Variants in SP4 observed in about 807,000 individuals in gnomAD.
The protein encoded by SP4 is Sp4 transcription factor.
In SP4, 19 loss-of-function variants were observed where a neutral mutation model predicts 72.8. The observed-to-expected ratio is 0.26, with a 90% confidence interval of 0.18 to 0.38. The LOEUF (loss-of-function observed/expected upper bound fraction) is 0.38. Among genes scored for constraint, SP4 ranks in the 10% least tolerant of loss-of-function variants. The pLI, the probability that SP4 is intolerant of heterozygous loss-of-function variation, is 1.00. For missense variants in SP4, 1,008 were observed against 926.3 expected (o/e 1.09, Z -1.14); for synonymous variants, 395 against 333.1 (o/e 1.19, Z -2.02).
intron 5 of SP4, among the ~76,000 whole-genome samples, chr7:21,488,619 G>A (rs1784888434): frequency 1.3e-5 from 2 of 151,730 alleles, no homozygotes; most frequent in Non-Finnish European, 2.9e-5. Flanking sequence ...ATTTAGCCAG[G>A]TGCAGTAGTG....
chr7:21,444,015 C>CTGT (rs748012709), intron 3 of SP4, among the ~76,000 whole-genome samples: 1 of 152,060 alleles, frequency 6.6e-6, no homozygotes, highest in Non-Finnish European at 1.5e-5. Context: ...TTTCTCTCAC[C>CTGT]TGTTGTTGTT....
intron 3 of SP4, 125 bp from the exon 4 acceptor site, chr7:21,476,954 C>T: frequency 1.5e-6 from 1 of 660,286 alleles, no homozygotes; most frequent in African/African-American, 1.8e-5. Context: ...AGCCATTAAC[C>T]CCTTAGTTTT....
chr7:21,479,746 C>T (rs1232080621), intron 4 of SP4, among the ~76,000 whole-genome samples: 1 of 152,120 alleles, frequency 6.6e-6, no homozygotes, highest in Non-Finnish European at 1.5e-5. Flanking sequence ...AATATTACAT[C>T]TTTTGGTCTA....
rs143248518 is a variant in SP4 at position 21,460,153 on chromosome 7, G to A, written c.1679-16926G>A. On this transcript the variant is annotated intron_variant, in intron 3 of 5. Coordinates refer to ENST00000222584, the MANE Select transcript of SP4 (RefSeq NM_003112.5). Reference sequence around the variant, plus strand: ...GCATTGTACAAAAGATAGTGTGTCCGGAATTGGTGGGTTCTTGGTCTCAAT... The same window carrying A: ...GCATTGTACAAAAGATAGTGTGTCCAGAATTGGTGGGTTCTTGGTCTCAAT... Among the ~76,000 whole-genome samples, 248 of 152,314 alleles carry A rather than the reference G, an allele frequency of 1.6e-3. 1 individual carries two copies. The highest frequency in any genetic ancestry group is 5.8e-3 in the African/African-American group (241 of 41,570).
At position 21,428,543 on chromosome 7, in the gene SP4, C is replaced by T. The variant is rs1782706193; in HGVS notation, c.8-134C>T. ...TTCCCTCCTTCTCCCCCACCCCCTG[C>T]CGGTGTGCGTGGATCGCGGGTTTAT... On this transcript the variant is annotated intron_variant, in intron 1 of 5. Coordinates refer to ENST00000222584, the MANE Select transcript of SP4 (RefSeq NM_003112.5). The T allele has an allele frequency of 1.2e-5, 12 of 987,136 alleles. No homozygotes were observed. In the South Asian group the frequency reaches 2.0e-4, roughly 17 times the overall value. 61.1% of individuals were successfully genotyped at this position (987,136 alleles called of 1,614,324 possible). A position where few individuals can be genotyped will look rare whatever the true frequency, so the allele number is the denominator to read the frequency against.
chr7:21,461,595 C>T (rs1001108897), intron 3 of SP4, among the ~76,000 whole-genome samples: 13 of 152,298 alleles, frequency 8.5e-5, no homozygotes, highest in South Asian at 2.1e-4. Flanking sequence ...GCAAACACCG[C>T]GCGCAGCCCC....
intron 3 of SP4, among the ~76,000 whole-genome samples, chr7:21,437,761 A>T (rs1783096464): frequency 6.6e-6 from 1 of 152,196 alleles, no homozygotes; most frequent in South Asian, 2.1e-4. Flanking sequence ...GTATTGGCTT[A>T]AAATGAACTG....
Position 21,428,188 on chromosome 7 carries a change from G to GGCCCCCCCCCC in SP4, c.-64_-63insGCCCCCCCCCC. 2.7e-6 allele frequency: 1 copy of GGCCCCCCCCCC among 371,884 alleles called. No homozygotes were observed. Among genetic ancestry groups the GGCCCCCCCCCC allele is most frequent in the Non-Finnish European group, 5.0e-6 (1 of 198,074 alleles). 23.0% of individuals were successfully genotyped at this position (371,884 alleles called of 1,614,324 possible). On this transcript the variant is annotated 5_prime_UTR_variant, in exon 1 of 6. Transcript: ENST00000222584. ...CGGGACCGGCCTCTCCTCCCGCCTC[G>GGCCCCCCCCCC]CCCCCACCCCCACCCACCTCTATCC... is the stretch of plus-strand genomic sequence containing the variant.
chr7:21,473,757 A>C (rs1197304404), intron 3 of SP4, among the ~76,000 whole-genome samples: 1 of 152,202 alleles, frequency 6.6e-6, no homozygotes, highest in Non-Finnish European at 1.5e-5. Flanking sequence ...AGTATATGCA[A>C]AGTCCCTAAG....
chr7:21,447,045 G>T lies in SP4; in HGVS notation c.1678+16202G>T, dbSNP rs74617475. The stretch of plus-strand genomic sequence containing the variant: ...GCCTTCAGCAACAGCAAAGATGGGG[G>T]CCAGGTCCCTAAACCCTTGGGCATG... On this transcript the variant is annotated intron_variant, in intron 3 of 5. Transcript: ENST00000222584. Among the ~76,000 whole-genome samples the T allele has an allele frequency of 7.6e-3, 1,158 of 152,258 alleles. 16 individuals carry two copies. The highest frequency in any genetic ancestry group is 0.022 in the African/African-American group (930 of 41,542).
At chr7:21,439,496 C>T (rs963990747) in intron 3 of SP4, among the ~76,000 whole-genome samples, 1 of 151,840 alleles carries the variant, frequency 6.6e-6, no homozygotes, top group Non-Finnish European at 1.5e-5. Flanking sequence ...CCCCTCACAC[C>T]CTCCTTTCTT....
At chr7:21,466,707 C>T (rs562941023) in intron 3 of SP4, among the ~76,000 whole-genome samples, 2 of 152,160 alleles carry the variant, frequency 1.3e-5, no homozygotes, top group African/African-American at 2.4e-5. Flanking sequence ...TATAGTTCAT[C>T]TACAGGAAAA....
chr7:21,472,192 A>AG (rs1447329039), intron 3 of SP4, among the ~76,000 whole-genome samples: 1 of 152,204 alleles, frequency 6.6e-6, no homozygotes, highest in African/African-American at 2.4e-5. Context: ...AAAGTAGATG[A>AG]GGTCCCCCAA....
At chr7:21,449,451 T>C (rs572017691) in intron 3 of SP4, among the ~76,000 whole-genome samples, 1 of 152,356 alleles carries the variant, frequency 6.6e-6, no homozygotes, top group East Asian at 1.9e-4. Flanking sequence ...AATCTTATTA[T>C]TAAGAAAGTA....
intron 5 of SP4, among the ~76,000 whole-genome samples, chr7:21,501,035 C>G (rs1781850121): frequency 6.6e-6 from 1 of 152,152 alleles, no homozygotes; most frequent in Admixed American, 6.5e-5. Context: ...TACCTCCTAG[C>G]ATGCAAATCC....
At chr7:21,477,702 G>A (rs879490223) in intron 4 of SP4, among the ~76,000 whole-genome samples, 6 of 151,888 alleles carry the variant, frequency 4.0e-5, no homozygotes, top group Non-Finnish European at 7.4e-5. Context: ...CACCACACCC[G>A]GCTAGTTTTT....
chr7:21,498,565 C>G (rs774058074), intron 5 of SP4, among the ~76,000 whole-genome samples: 3 of 152,102 alleles, frequency 2.0e-5, no homozygotes, highest in Non-Finnish European at 2.9e-5. Flanking sequence ...GTTTGAATAA[C>G]TTGAGTCCTT....
chr7:21,477,890 C>G (rs1784556127), intron 4 of SP4, among the ~76,000 whole-genome samples: 1 of 152,070 alleles, frequency 6.6e-6, no homozygotes, highest in African/African-American at 2.4e-5. Context: ...TGATATAAAA[C>G]TCATTCGTAC....
At chr7:21,452,621 C>T (rs923439938) in intron 3 of SP4, among the ~76,000 whole-genome samples, 1 of 152,176 alleles carries the variant, frequency 6.6e-6, no homozygotes, top group East Asian at 1.9e-4. Flanking sequence ...TAACCAGTTT[C>T]TCCAATTGTG....
Sources: gnomAD v4.1 joint callset for allele counts (sites outside exome capture counted in the v4.1 genomes callset) on GRCh38, gnomAD v4.1.1 for gene constraint, MANE v1.5 for transcripts, NCBI Gene and HGNC (gene_info 2026-07-23, HGNC 2026-07-21) for gene names.